Variants in NRN1L observed in about 807,000 individuals in gnomAD.
NRN1L encodes neuritin-like protein.
Under a neutral mutation model 8.8 loss-of-function variants are expected in NRN1L, and 12 were observed. The ratio of observed to expected loss-of-function variants is 1.36; its 90% CI spans 0.87 to 2.20. NRN1L has a LOEUF of 2.20. NRN1L is among the 30% of genes most tolerant of loss of function. The pLI, the probability that NRN1L is intolerant of heterozygous loss-of-function variation, is 0.00. For missense variants in NRN1L, 266 were observed against 232.4 expected (o/e 1.14, Z -0.94); for synonymous variants, 114 against 99.2 (o/e 1.15, Z -0.88).
Position 67,886,025 on chromosome 16 carries a change from G to C in NRN1L, c.264G>C (p.Pro88=), listed in dbSNP as rs149800685. The C allele has an allele frequency of 5.6e-6, 9 of 1,613,966 alleles. No homozygotes were observed. Among genetic ancestry groups the C allele is most frequent in the African/African-American group, 4.0e-5 (3 of 74,934 alleles). ...CCTCTCAGGTCCTGTCAGGCTGTCCGGAGGAGGCAGCTGCAGTGTGGGAAT... is the reference window on the plus strand; with the variant it reads ...CCTCTCAGGTCCTGTCAGGCTGTCCCGAGGAGGCAGCTGCAGTGTGGGAAT... ...ACASQVLSGC[P]EEAAAVWESL... is the part of the protein sequence containing the mutation. The change falls in exon 3 of 3, where the codon CCG becomes CCC. Residue 88 remains proline, a synonymous_variant. Transcript: ENST00000339176.
Position 67,885,693 on chromosome 16 carries a change from TCCCCACCCC to T in NRN1L, c.80-28_80-20del. 2 of 1,257,204 alleles carry T rather than the reference TCCCCACCCC, an allele frequency of 1.6e-6. No individual in the cohort carries two copies. Among genetic ancestry groups the T allele is most frequent in the Non-Finnish European group, 2.2e-6 (2 of 909,538 alleles). The allele number at this position is 1,257,204 out of a possible 1,614,324, so 77.9% of individuals were successfully genotyped here. ...CTGGCTCATCCTATCTACCATTCCT[TCCCCACCCC>T]ACCCCCGCCCCACTTCTAGTCCTTT... On this transcript the variant is annotated intron_variant, in intron 1 of 2. Transcript: ENST00000339176.
At position 67,885,712 on chromosome 16, in the gene NRN1L, C is replaced by CCCCAG; in HGVS notation, c.80-9_80-8insCCAGC. On this transcript the variant is annotated splice_polypyrimidine_tract_variant and intron_variant, in intron 1 of 2. Coordinates refer to ENST00000339176, the MANE Select transcript of NRN1L (RefSeq NM_198443.2). ...ATTCCTTCCCCACCCCACCCCCGCC[C>CCCCAG]CACTTCTAGTCCTTTTACCTCCCCT... is the stretch of plus-strand genomic sequence containing the variant. The CCCCAG allele has an allele frequency of 1.3e-6, 2 of 1,510,478 alleles. No homozygotes were observed. Among genetic ancestry groups the CCCCAG allele is most frequent in the Non-Finnish European group, 1.8e-6 (2 of 1,105,324 alleles). The allele number at this position is 1,510,478 out of a possible 1,614,324, so 93.6% of individuals were successfully genotyped here.
Position 67,885,986 on chromosome 16 carries a change from C to T in NRN1L, c.225C>T (p.Asp75=). The T allele has an allele frequency of 6.2e-7, 1 of 1,614,184 alleles. No individual in the cohort carries two copies. Among genetic ancestry groups the T allele is most frequent in the Non-Finnish European group, 8.5e-7 (1 of 1,180,020 alleles). Residue 75 remains aspartate (D), a synonymous_variant, in exon 3 of 3, where the codon GAC becomes GAT. Transcript: ENST00000339176. ...ELETICRSWN[D]FHACASQVLS... ...ACTCCCTTAACAGGTCTTGGAATGA[C>T]TTCCATGCCTGTGCCTCTCAGGTCC...
downstream of NRN1L, among the ~76,000 whole-genome samples, chr16:67,887,887 T>C (rs2058101664): frequency 6.6e-6 from 1 of 152,194 alleles, no homozygotes; most frequent in Admixed American, 6.5e-5. Flanking sequence ...GCCTATTCTT[T>C]ACTTTCTAAA....
chr16:67,887,559 C>T (rs1273439045), downstream of NRN1L, among the ~76,000 whole-genome samples: 2 of 151,538 alleles, frequency 1.3e-5, no homozygotes, highest in Non-Finnish European at 2.9e-5. Context: ...TGTGAGCCAC[C>T]ATGTTTGGCC....
In NRN1L at chr16:67,885,801, C is replaced by T. The variant is rs751379417; in HGVS notation, c.159C>T (p.Leu53=). 2.5e-6 allele frequency: 4 copies of T among 1,590,356 alleles called. No homozygotes were observed. Among genetic ancestry groups the T allele is most frequent in the Non-Finnish European group, 3.4e-6 (4 of 1,170,522 alleles). Residue 53 remains leucine (L), a synonymous_variant, in exon 2 of 3, where the codon CTC becomes CTT. Coordinates refer to ENST00000339176, the MANE Select transcript of NRN1L (RefSeq NM_198443.2). ...DTIYQGFAEC[L]IRLGDSMGRG... is the part of the protein sequence containing the mutation. ...TATACCAGGGCTTCGCCGAGTGTCTCATCCGCTTGGGGGACAGCATGGGCC... is the reference window on the plus strand; with the variant it reads ...TATACCAGGGCTTCGCCGAGTGTCTTATCCGCTTGGGGGACAGCATGGGCC...
chr16:67,888,485 T>C (rs957897980), downstream of NRN1L, among the ~76,000 whole-genome samples: 5 of 151,634 alleles, frequency 3.3e-5, no homozygotes, highest in African/African-American at 1.2e-4. Flanking sequence ...TACTTTTCCA[T>C]GGAATAGAGC....
chr16:67,888,383 G>A (rs549285733), downstream of NRN1L, among the ~76,000 whole-genome samples: 2 of 152,282 alleles, frequency 1.3e-5, no homozygotes, highest in African/African-American at 4.8e-5. Flanking sequence ...ATGGCTAGGA[G>A]CAGGGGCCTG....
Position 67,886,217 on chromosome 16 carries a change from G to A in NRN1L, c.456G>A (p.Ala152=), listed in dbSNP as rs376634985. The change falls in exon 3 of 3, where the codon GCG becomes GCA. Residue 152 remains alanine, a synonymous_variant. Coordinates refer to ENST00000339176, the MANE Select transcript of NRN1L (RefSeq NM_198443.2). ...LPMAPAPPLL[A]AALALAYLLR... ...TGGCCCCTGCGCCCCCACTGCTGGC[G>A]GCTGCTCTGGCTCTGGCCTACCTCC... is the stretch of plus-strand genomic sequence containing the variant. 34 of 1,599,354 alleles carry A rather than the reference G, an allele frequency of 2.1e-5. No homozygotes were observed. Among genetic ancestry groups the A allele is most frequent in the Middle Eastern group, 1.7e-4 (1 of 5,914 alleles).
Position 67,885,713 on chromosome 16 carries a change from C to CCCCCAAAAAAAAA in NRN1L, c.80-9_80-8insCCCCAAAAAAAAA. The CCCCCAAAAAAAAA allele has an allele frequency of 6.6e-7, 1 of 1,509,818 alleles. No homozygotes were observed. The highest frequency in any genetic ancestry group is 9.1e-7 in the Non-Finnish European group (1 of 1,104,186). The allele number at this position is 1,509,818 out of a possible 1,614,324, so 93.5% of individuals were successfully genotyped here. ...TTCCTTCCCCACCCCACCCCCGCCC[C>CCCCCAAAAAAAAA]ACTTCTAGTCCTTTTACCTCCCCTG... On this transcript the variant is annotated splice_polypyrimidine_tract_variant and intron_variant, in intron 1 of 2. Coordinates refer to ENST00000339176, the MANE Select transcript of NRN1L (RefSeq NM_198443.2).
Position 67,886,084 on chromosome 16 carries a change from C to T in NRN1L, c.323C>T (p.Pro108Leu), listed in dbSNP as rs114883420. ...LQQEARQAPR[P>L]NNLHTLCGAP... ...CAAGAAGCTCGCCAGGCCCCCCGTC[C>T]GAATAACTTGCACACTCTGTGCGGT... is the stretch of plus-strand genomic sequence containing the variant. The change falls in exon 3 of 3, where the codon CCG (proline) becomes CTG (leucine). Residue 108 changes from proline to leucine, a missense_variant. Transcript: ENST00000339176. The T allele has an allele frequency of 9.7e-5, 156 of 1,613,400 alleles. No individual in the cohort carries two copies. Among genetic ancestry groups the T allele is most frequent in the Admixed American group, 4.7e-4 (28 of 59,918 alleles).
At chr16:67,886,595 A>G (rs947426647), downstream of NRN1L, among the ~76,000 whole-genome samples, 2 of 152,146 alleles carry the variant, frequency 1.3e-5, no homozygotes, top group Non-Finnish European at 2.9e-5. Flanking sequence ...GCCAGAATGC[A>G]CAGTCTTCCT....
At chr16:67,887,079 C>T (rs2058098938), downstream of NRN1L, among the ~76,000 whole-genome samples, 1 of 152,134 alleles carries the variant, frequency 6.6e-6, no homozygotes, top group South Asian at 2.1e-4. Context: ...GTGCGAGGAG[C>T]CCCTCTTCAT....
chr16:67,884,887 T>A lies in NRN1L; in HGVS notation c.-17T>A. 6.2e-7 allele frequency: 1 copy of A among 1,602,732 alleles called. No individual in the cohort carries two copies. The highest frequency in any genetic ancestry group is 8.5e-7 in the Non-Finnish European group (1 of 1,179,334). Reference sequence around the variant, plus strand: ...CACTCCAAGCAGCTAGCTCCTGCACTAGGCTCTCAGCCAGGGATGATGCGC... The same window carrying A: ...CACTCCAAGCAGCTAGCTCCTGCACAAGGCTCTCAGCCAGGGATGATGCGC... On this transcript the variant is annotated 5_prime_UTR_variant, in exon 1 of 3. Transcript: ENST00000339176. The surrounding 1 kb of genome is among the most constrained non-coding windows in gnomAD (Gnocchi z 4.1).
At chr16:67,885,698 A>G (rs768745437) in intron 1 of NRN1L, 24 bp from the exon 2 acceptor site, 9 of 680,394 alleles carry the variant, frequency 1.3e-5, no homozygotes, top group Non-Finnish European at 2.1e-5. Flanking sequence ...TTCCTTCCCC[A>G]CCCCACCCCC....
Position 67,885,789 on chromosome 16 carries a change from C to T in NRN1L, c.147C>T (p.Phe49=), listed in dbSNP as rs760878086. The change falls in exon 2 of 3, where the codon TTC becomes TTT. Residue 49 remains phenylalanine, a synonymous_variant. Coordinates refer to ENST00000339176, the MANE Select transcript of NRN1L (RefSeq NM_198443.2). ...PNRCDTIYQG[F]AECLIRLGDS... ...GATGTGACACCATATACCAGGGCTT[C>T]GCCGAGTGTCTCATCCGCTTGGGGG... The T allele has an allele frequency of 9.4e-6, 15 of 1,593,074 alleles. No homozygotes were observed. The highest frequency in any genetic ancestry group is 1.7e-4 in the Middle Eastern group (1 of 5,974).
At chr16:67,888,625 C>T (rs1411558084), downstream of NRN1L, 1 of 152,102 alleles carries the variant, frequency 6.6e-6, no homozygotes, top group African/African-American at 2.4e-5. Flanking sequence ...CACAGCTGCC[C>T]AGGCCAGAGC....
chr16:67,887,156 G>A (rs1396326215), downstream of NRN1L, among the ~76,000 whole-genome samples: 1 of 152,094 alleles, frequency 6.6e-6, no homozygotes, highest in Non-Finnish European at 1.5e-5. Context: ...GCCTTCTGGG[G>A]GTAGGACCCT....
chr16:67,886,220 T>TGCTCTG lies in NRN1L; in HGVS notation c.468_473dup (p.Leu157_Ala158dup), dbSNP rs753308483. ...CCCCTGCGCCCCCACTGCTGGCGGC[T>TGCTCTG]GCTCTGGCTCTGGCCTACCTCCTGA... On this transcript the variant is annotated inframe_insertion, in exon 3 of 3. Coordinates refer to ENST00000339176, the MANE Select transcript of NRN1L (RefSeq NM_198443.2). The TGCTCTG allele has an allele frequency of 1.8e-5, 28 of 1,599,540 alleles. No homozygotes were observed. In the Middle Eastern group the frequency reaches 2.9e-3, roughly 164 times the overall value.
Sources: gnomAD v4.1 joint callset for allele counts (sites outside exome capture counted in the v4.1 genomes callset) on GRCh38, gnomAD v4.1.1 for gene constraint, Gnocchi (gnomAD v3.1) non-coding constraint, MANE v1.5 for transcripts, NCBI Gene and HGNC (gene_info 2026-07-23, HGNC 2026-07-21) for gene names.